NSUN7: variants seen among roughly 807,000 people sequenced by gnomAD.
NSUN7 encodes the protein protein NSUN7.
A neutral mutation model predicts 58.5 loss-of-function variants in NSUN7; 39 were observed. That is an observed-to-expected ratio of 0.67 (90% CI 0.52 to 0.87). NSUN7 has a LOEUF of 0.87. NSUN7 is among the 40% of genes least tolerant of loss of function. NSUN7 has a pLI of 0.00. For synonymous variants in NSUN7, 278 were observed against 303.7 expected, an observed-to-expected ratio of 0.92 and a Z score of 0.88; for missense variants, 765 against 844.1, an observed-to-expected ratio of 0.91 and a Z score of 1.16.
rs112557477 is a variant in NSUN7 at position 40,769,370 on chromosome 4, T to C, written c.489-4895T>C. On this transcript the variant is annotated intron_variant, in intron 4 of 11. Coordinates refer to ENST00000381782, the MANE Select transcript of NSUN7 (RefSeq NM_024677.6). ...CTAGAAAACTGGCCAAAATATATCA[T>C]AGGACGTAAAGGTTTTGGACATTAG... 1.5e-4 allele frequency among the ~76,000 whole-genome samples: 23 copies of C among 152,344 alleles called. 1 individual carries two copies. Among genetic ancestry groups the C allele is most frequent in the African/African-American group, 4.6e-4 (19 of 41,580 alleles).
chr4:40,792,750 A>AT (rs544806174), intron 8 of NSUN7, among the ~76,000 whole-genome samples: 2,355 of 119,988 alleles, frequency 0.02, 62 homozygotes, highest in African/African-American at 0.074. Context: ...ACTCCATCTC[A>AT]TTTAAAAAAA....
At chr4:40,751,427 C>T (rs1417616319) in intron 2 of NSUN7, among the ~76,000 whole-genome samples, 2 of 152,062 alleles carry the variant, frequency 1.3e-5, no homozygotes, top group African/African-American at 4.8e-5. Context: ...CCTGGCCTCC[C>T]TGTGTATTTC....
intron 4 of NSUN7, among the ~76,000 whole-genome samples, chr4:40,766,934 T>G (rs1383195151): frequency 1.3e-5 from 2 of 150,574 alleles, no homozygotes; most frequent in East Asian, 3.9e-4. Flanking sequence ...TGATATCCCC[T>G]TTATCATTTT....
In NSUN7 at chr4:40,761,314, G is replaced by A. The variant is rs1402847858; in HGVS notation, c.488+13G>A. The stretch of plus-strand genomic sequence containing the variant: ...ACCTTCTTAACAGGTAATCGTAAAA[G>A]TGAAAAGAATGTTTTATATGAAACC... On this transcript the variant is annotated intron_variant, in intron 4 of 11. Coordinates refer to ENST00000381782, the MANE Select transcript of NSUN7 (RefSeq NM_024677.6). 3 of 1,596,898 alleles carry A rather than the reference G, an allele frequency of 1.9e-6. No individual in the cohort carries two copies. The highest frequency in any genetic ancestry group is 1.7e-5 in the Admixed American group (1 of 57,162).
At chr4:40,783,090 T>TAATAA (rs1742654498) in intron 7 of NSUN7, among the ~76,000 whole-genome samples, 2 of 152,308 alleles carry the variant, frequency 1.3e-5, no homozygotes, top group South Asian at 4.1e-4. Context: ...ACAAAGTTTA[T>TAATAA]AGGACTCACA....
intron 11 of NSUN7, among the ~76,000 whole-genome samples, chr4:40,807,491 A>G (rs1333160050): frequency 2.6e-5 from 4 of 151,952 alleles, no homozygotes; most frequent in African/African-American, 4.8e-5. Context: ...CTGGGATTAC[A>G]GGCGTCCACC....
rs745814625 is a variant in NSUN7 at position 40,750,920 on chromosome 4, G to T, written c.227G>T (p.Arg76Leu). The change falls in exon 2 of 12, where the codon CGG (arginine) becomes CTG (leucine). Residue 76 changes from arginine to leucine, a missense_variant. By Grantham distance (102) the Arg-to-Leu change is moderately radical. Coordinates refer to ENST00000381782, the MANE Select transcript of NSUN7 (RefSeq NM_024677.6). ...ATCAAGTATGGGAATGAACCCCTGC[G>T]GTCCTTGTCCGAGTCTGAGGATCAG... ...VLIKYGNEPL[R>L]SLSESEDQSF... 2 of 1,614,066 alleles carry T rather than the reference G, an allele frequency of 1.2e-6. No individual in the cohort carries two copies. The highest frequency in any genetic ancestry group is 1.3e-5 in the African/African-American group (1 of 74,950).
At chr4:40,792,637 G>T (rs549818589) in intron 8 of NSUN7, among the ~76,000 whole-genome samples, 1 of 152,164 alleles carries the variant, frequency 6.6e-6, no homozygotes, top group African/African-American at 2.4e-5. Flanking sequence ...TGTAGTCCCA[G>T]CTACTCGGGA....
intron 10 of NSUN7, among the ~76,000 whole-genome samples, chr4:40,800,269 G>T (rs1476213422): frequency 6.6e-6 from 1 of 151,996 alleles, no homozygotes; most frequent in African/African-American, 2.4e-5. Context: ...ACTGGTCAGT[G>T]TACTGTGGAG....
chr4:40,794,312 A>C, intron 8 of NSUN7, 63 bp from the exon 9 acceptor site: 1 of 828,686 alleles, frequency 1.2e-6, no homozygotes, highest in South Asian at 1.8e-5. Flanking sequence ...TTATATGATG[A>C]TAACAATATG....
At chr4:40,782,555 AAAAAAAAG>A (rs1343581586) in intron 7 of NSUN7, among the ~76,000 whole-genome samples, 2 of 151,650 alleles carry the variant, frequency 1.3e-5, no homozygotes, top group Non-Finnish European at 2.9e-5. Flanking sequence ...CTCAAAAAAA[AAAAAAAAG>A]AAAAAAAGAA....
At chr4:40,800,015 T>C (rs957558124) in intron 10 of NSUN7, among the ~76,000 whole-genome samples, 4 of 152,214 alleles carry the variant, frequency 2.6e-5, no homozygotes, top group Admixed American at 1.3e-4. Context: ...CTTAACAATT[T>C]GATTTATAGT....
intron 2 of NSUN7, among the ~76,000 whole-genome samples, chr4:40,759,666 A>G (rs1261321269): frequency 6.6e-6 from 1 of 152,236 alleles, no homozygotes; most frequent in Non-Finnish European, 1.5e-5. Context: ...TCTGATACCA[A>G]CACTGACAAG....
intron 7 of NSUN7, among the ~76,000 whole-genome samples, chr4:40,781,413 G>A (rs902022963): frequency 3.3e-5 from 5 of 151,758 alleles, no homozygotes; most frequent in Admixed American, 3.3e-4. Flanking sequence ...GTCAATATTG[G>A]ATTTTTGTTT....
chr4:40,750,770 C>T lies in NSUN7; in HGVS notation c.77C>T (p.Pro26Leu). The change falls in exon 2 of 12, where the codon CCT (proline) becomes CTT (leucine). Residue 26 changes from proline (P) to leucine (L), a missense_variant. Pro to Leu is a moderately conservative substitution (Grantham distance 98). Transcript: ENST00000381782. ...PEIISQLTSL[P>L]LSGGKSSAGV... ...ATCATCTCCCAACTCACTTCCCTGC[C>T]TCTGTCCGGTGGGAAAAGCTCAGCT... is the stretch of plus-strand genomic sequence containing the variant. 1.9e-6 allele frequency: 3 copies of T among 1,614,186 alleles called. No individual in the cohort carries two copies. The highest frequency in any genetic ancestry group is 1.1e-5 in the South Asian group (1 of 91,086).
intron 7 of NSUN7, among the ~76,000 whole-genome samples, chr4:40,784,878 A>G (rs1742735066): frequency 6.6e-6 from 1 of 152,216 alleles, no homozygotes; most frequent in African/African-American, 2.4e-5. Context: ...AAGTAAGGAT[A>G]TAGAAGATGG....
chr4:40,761,679 G>C (rs2154286825), intron 4 of NSUN7, among the ~76,000 whole-genome samples: 2 of 152,120 alleles, frequency 1.3e-5, no homozygotes, highest in South Asian at 4.2e-4. Context: ...AATTCCAACA[G>C]TAGACAAGAA....
At chr4:40,783,201 AG>A (rs1444980721) in intron 7 of NSUN7, among the ~76,000 whole-genome samples, 2 of 152,238 alleles carry the variant, frequency 1.3e-5, no homozygotes, top group Non-Finnish European at 2.9e-5. Context: ...TTGAAAGTTC[AG>A]AAATAAACCC....
In NSUN7 at chr4:40,799,085, T is replaced by TTTTG. The variant is rs1560563887; in HGVS notation, c.1400+184_1400+185insGTTT. 3.7e-4 allele frequency among the ~76,000 whole-genome samples: 51 copies of TTTTG among 139,678 alleles called. 5 individuals are homozygous for TTTTG. Among genetic ancestry groups the TTTTG allele is most frequent in the African/African-American group, 9.2e-4 (34 of 37,042 alleles). The allele number at this position is 139,678 out of a possible 152,430, so 91.6% of individuals were successfully genotyped here. On this transcript the variant is annotated intron_variant, in intron 10 of 11. Coordinates refer to ENST00000381782, the MANE Select transcript of NSUN7 (RefSeq NM_024677.6). The stretch of plus-strand genomic sequence containing the variant: ...ATAGGGCCTTTTTCTTTTTTTTTTT[T>TTTTG]TTTTTTTTTTTTTTTTTAAAGATGG...
Sources: allele counts gnomAD v4.1 joint callset (sites outside exome capture counted in the v4.1 genomes callset), GRCh38; gene constraint gnomAD v4.1.1; transcripts MANE v1.5; gene names NCBI Gene and HGNC (gene_info 2026-07-23, HGNC 2026-07-21).